Variants in VAT1L observed in about 807,000 individuals in gnomAD.
VAT1L encodes putative NADPH-dependent quinone oxidoreductase VAT1L.
VAT1L carries 34 observed loss-of-function variants against 44.1 expected under a neutral mutation model. That is an observed-to-expected ratio of 0.77 (90% CI 0.59 to 1.03). VAT1L has a LOEUF of 1.03. Among genes scored for constraint, VAT1L ranks in the 50% least tolerant of loss-of-function variants. The probability of loss-of-function intolerance (pLI) is 0.00; values close to 1 mark genes in which losing one functional copy is unlikely to be tolerated. For missense variants in VAT1L, 615 were observed against 538.8 expected (o/e 1.14, Z -1.40); for synonymous variants, 253 against 202.2 (o/e 1.25, Z -2.13).
chr16:77,957,498 G>A (rs1293859007), intron 7 of VAT1L, among the ~76,000 whole-genome samples: 7 of 152,180 alleles, frequency 4.6e-5, no homozygotes, highest in East Asian at 1.9e-4. Flanking sequence ...CAGCCAAGGC[G>A]GGTAGATCAC....
intron 7 of VAT1L, among the ~76,000 whole-genome samples, chr16:77,935,581 G>C (rs979159908): frequency 6.6e-6 from 1 of 151,764 alleles, no homozygotes; most frequent in Non-Finnish European, 1.5e-5. Context: ...GGGAGAAAAG[G>C]AGAAGAAAGG....
intron 4 of VAT1L, among the ~76,000 whole-genome samples, chr16:77,870,155 G>A (rs571502541): frequency 5.9e-5 from 9 of 152,310 alleles, no homozygotes; most frequent in East Asian, 1.9e-4. Context: ...AACCTGTCAC[G>A]TGCTGGGTGC....
chr16:77,941,734 A>C (rs911512011), intron 7 of VAT1L, among the ~76,000 whole-genome samples: 1 of 152,030 alleles, frequency 6.6e-6, no homozygotes, highest in East Asian at 1.9e-4. Context: ...TACAGGCACC[A>C]TGCCACCAAG....
intron 3 of VAT1L, among the ~76,000 whole-genome samples, chr16:77,841,797 A>T (rs1260424751): frequency 8.5e-5 from 13 of 152,232 alleles, no homozygotes; most frequent in African/African-American, 3.1e-4. Flanking sequence ...CAACTGGTGC[A>T]AGGAAAAGCC....
chr16:77,863,919 T>G (rs1306518122), intron 4 of VAT1L, among the ~76,000 whole-genome samples: 2 of 152,124 alleles, frequency 1.3e-5, no homozygotes, highest in Non-Finnish European at 2.9e-5. Flanking sequence ...TATGATTGAT[T>G]TGAGTTTTGA....
intron 7 of VAT1L, among the ~76,000 whole-genome samples, chr16:77,918,073 A>C (rs1694219429): frequency 1.3e-5 from 2 of 152,246 alleles, no homozygotes; most frequent in African/African-American, 4.8e-5. Flanking sequence ...CAGTTTGAAG[A>C]ATTCCATATC....
At chr16:77,906,002 C>T (rs755867065) in intron 7 of VAT1L, among the ~76,000 whole-genome samples, 7 of 152,164 alleles carry the variant, frequency 4.6e-5, no homozygotes, top group South Asian at 2.1e-4. Context: ...CCCTCACCAT[C>T]GCTCATGAAT....
intron 7 of VAT1L, among the ~76,000 whole-genome samples, chr16:77,931,975 A>G (rs2017737019): frequency 6.6e-6 from 1 of 152,124 alleles, no homozygotes; most frequent in Non-Finnish European, 1.5e-5. Flanking sequence ...GGGAGTAGAC[A>G]TGTATTATTT....
At chr16:77,925,743 G>A (rs2017659423) in intron 7 of VAT1L, among the ~76,000 whole-genome samples, 1 of 152,148 alleles carries the variant, frequency 6.6e-6, no homozygotes, top group Non-Finnish European at 1.5e-5. Flanking sequence ...AATAGATGGT[G>A]ATCCTGCAGA....
In VAT1L at chr16:77,833,766, G is replaced by GA. The variant is rs201300530; in HGVS notation, c.579+8313dup. 7.7e-3 allele frequency among the ~76,000 whole-genome samples: 1,169 copies of GA among 151,220 alleles called. 13 individuals are homozygous for GA. The highest frequency in any genetic ancestry group is 0.026 in the African/African-American group (1,086 of 41,176). ...CTCTGTCTCAAAAAAAAAAGAAAAA[G>GA]AAAAAAAAGAAAAATGAAAGTGGGA... On this transcript the variant is annotated intron_variant, in intron 3 of 8. Coordinates refer to ENST00000302536, the MANE Select transcript of VAT1L (RefSeq NM_020927.3).
At position 77,825,450 on chromosome 16, in the gene VAT1L, G is replaced by A. The variant is rs2016508584; in HGVS notation, c.568G>A (p.Gly190Ser). Residue 190 changes from glycine (G) to serine (S), a missense_variant, in exon 3 of 9, where the codon GGT (glycine) becomes AGT (serine). Physicochemically the swap from Gly to Ser is moderately conservative, Grantham distance 56 (BLOSUM62 0). Transcript: ENST00000302536. Reference protein sequence around the residue: ...EGMSVLVHSAGGGVGQAVAQL... With the variant: ...EGMSVLVHSASGGVGQAVAQL... ...GATGTCTGTGCTCGTGCACTCAGCT[G>A]GTGGGGGCGTGGTAAGTCAGCTGTT... The A allele has an allele frequency of 6.3e-7, 1 of 1,588,782 alleles. No homozygotes were observed. Among genetic ancestry groups the A allele is most frequent in the African/African-American group, 1.3e-5 (1 of 74,586 alleles).
intron 7 of VAT1L, among the ~76,000 whole-genome samples, chr16:77,898,330 G>A (rs925353839): frequency 3.9e-5 from 6 of 152,258 alleles, no homozygotes; most frequent in African/African-American, 7.2e-5. Flanking sequence ...GGAAAAGAGG[G>A]GGGGGACACA....
At chr16:77,941,856 C>A (rs1004666708) in intron 7 of VAT1L, among the ~76,000 whole-genome samples, 1 of 152,024 alleles carries the variant, frequency 6.6e-6, no homozygotes, top group South Asian at 2.1e-4. Flanking sequence ...CCCAGAGTGC[C>A]CAGATTACAG....
chr16:77,801,244 G>A (rs867840086), intron 1 of VAT1L: 1 of 152,108 alleles, frequency 6.6e-6, no homozygotes, highest in Non-Finnish European at 1.5e-5. Flanking sequence ...TGAAGAAAGT[G>A]AAGGAATTTG....
chr16:77,931,333 G>A (rs2017728950), intron 7 of VAT1L, among the ~76,000 whole-genome samples: 2 of 152,170 alleles, frequency 1.3e-5, no homozygotes, highest in African/African-American at 4.8e-5. Flanking sequence ...TAAGGAAACT[G>A]AGACCCACAA....
At chr16:77,970,330 C>T (rs1407595290) in intron 7 of VAT1L, among the ~76,000 whole-genome samples, 1 of 152,136 alleles carries the variant, frequency 6.6e-6, no homozygotes, top group African/African-American at 2.4e-5. Flanking sequence ...AATATGTTAC[C>T]AGACTGACGC....
chr16:77,907,981 C>T (rs2017455681), intron 7 of VAT1L, among the ~76,000 whole-genome samples: 1 of 152,216 alleles, frequency 6.6e-6, no homozygotes, highest in Non-Finnish European at 1.5e-5. Flanking sequence ...GGGCTCACGC[C>T]TGTAATCCCA....
At chr16:77,880,118 C>G (rs183459119) in intron 6 of VAT1L, among the ~76,000 whole-genome samples, 15 of 152,284 alleles carry the variant, frequency 9.9e-5, no homozygotes, top group Admixed American at 3.3e-4. Context: ...TCTGATCTAT[C>G]TTCCTATCTG....
intron 3 of VAT1L, among the ~76,000 whole-genome samples, chr16:77,854,076 C>A (rs903150076): frequency 6.6e-6 from 1 of 151,694 alleles, no homozygotes; most frequent in African/African-American, 2.4e-5. Context: ...TGCAGTGAGC[C>A]AAGATCGCAC....
Sources: gnomAD v4.1 joint callset for allele counts (sites outside exome capture counted in the v4.1 genomes callset) on GRCh38, gnomAD v4.1.1 for gene constraint, MANE v1.5 for transcripts, NCBI Gene and HGNC (gene_info 2026-07-23, HGNC 2026-07-21) for gene names.